The following SLC36A1 variants were observed in gnomAD, a reference collection of about 807,000 sequenced individuals.
SLC36A1 encodes solute carrier family 36 member 1.
In SLC36A1, 30 loss-of-function variants were observed where a neutral mutation model predicts 47.5. That is an observed-to-expected ratio of 0.63 (90% confidence interval 0.47 to 0.86). The LOEUF (loss-of-function observed/expected upper bound fraction) is 0.86. Among genes scored for constraint, SLC36A1 ranks in the 40% least tolerant of loss-of-function variants. SLC36A1 has a pLI of 0.00. For missense variants in SLC36A1, 517 were observed against 606.0 expected (o/e 0.85, Z 1.54); for synonymous variants, 255 against 249.7 (o/e 1.02, Z -0.20).
chr5:151,422,935 C>A, the SLC36A1 span, among the ~76,000 whole-genome samples: 1 of 152,086 alleles, frequency 6.6e-6, no homozygotes, highest in Non-Finnish European at 1.5e-5. Flanking sequence ...GAGTGAGACC[C>A]TGTGCCCCAC....
chr5:151,527,903 T>C, the SLC36A1 span: 125 of 1,490,274 alleles, frequency 8.4e-5, no homozygotes, highest in Non-Finnish European at 1.1e-4. Flanking sequence ...AGTTTCAGGA[T>C]GGGGTCTTGA....
At chr5:151,430,162 CTTT>C in the SLC36A1 span, among the ~76,000 whole-genome samples, 802 of 130,684 alleles carry the variant, frequency 6.1e-3, 12 homozygotes, top group African/African-American at 0.022. Flanking sequence ...ATTAGCTAAA[CTTT>C]TTTTTTTTTT....
intron 10 of SLC36A1, chr5:151,479,939 T>C: frequency 1.7e-6 from 1 of 596,210 alleles, no homozygotes; most frequent in Non-Finnish European, 2.9e-6. Flanking sequence ...ATGATAGTAT[T>C]CTAGACATTT....
At chr5:151,345,582 CT>C in the SLC36A1 span, among the ~76,000 whole-genome samples, 5 of 152,148 alleles carry the variant, frequency 3.3e-5, no homozygotes, top group African/African-American at 1.2e-4. Flanking sequence ...CCCTGCATGC[CT>C]TTCTCCCTGT....
intron 7 of SLC36A1, among the ~76,000 whole-genome samples, chr5:151,471,227 A>G (rs1338246771): frequency 6.6e-6 from 1 of 152,224 alleles, no homozygotes; most frequent in Non-Finnish European, 1.5e-5. Flanking sequence ...ATTTCACTTA[A>G]AGTCTCAGTT....
chr5:151,417,780 C>A, the SLC36A1 span, among the ~76,000 whole-genome samples: 2 of 152,220 alleles, frequency 1.3e-5, no homozygotes, highest in Non-Finnish European at 2.9e-5. Flanking sequence ...GGAATTCAAG[C>A]TGGCTGCAGA....
upstream of SLC36A1, among the ~76,000 whole-genome samples, chr5:151,446,086 C>A (rs746028136): frequency 4.6e-5 from 7 of 152,070 alleles, no homozygotes; most frequent in Non-Finnish European, 1.0e-4. Flanking sequence ...TCTTTCTTCT[C>A]TTTTAATGTA....
At chr5:151,391,495 T>C in the SLC36A1 span, among the ~76,000 whole-genome samples, 1 of 152,214 alleles carries the variant, frequency 6.6e-6, no homozygotes, top group African/African-American at 2.4e-5. Flanking sequence ...TCAAAGGGAA[T>C]GCTTCCAGTT....
At chr5:151,545,016 C>T in the SLC36A1 span, 7 of 1,614,222 alleles carry the variant, frequency 4.3e-6, no homozygotes, top group Non-Finnish European at 5.9e-6. Flanking sequence ...CCACTGCCAA[C>T]TCATGAGTGT....
the SLC36A1 span, among the ~76,000 whole-genome samples, chr5:151,345,710 A>G: frequency 1.3e-5 from 2 of 152,218 alleles, no homozygotes; most frequent in Admixed American, 6.5e-5. Context: ...TAAAGTACTT[A>G]GGAAATCAGA....
At chr5:151,492,689 T>C (rs984182392), downstream of SLC36A1, among the ~76,000 whole-genome samples, 5 of 152,256 alleles carry the variant, frequency 3.3e-5, no homozygotes, top group Admixed American at 3.3e-4. Context: ...GTTTTATATG[T>C]GTCAACTTAT....
the SLC36A1 span, chr5:151,511,415 C>A: frequency 6.6e-6 from 1 of 152,192 alleles, no homozygotes; most frequent in African/African-American, 2.4e-5. Context: ...AGCAATGTAT[C>A]CCTATTTAGT....
In SLC36A1 at chr5:151,449,215, T is replaced by C. The variant is rs375035594; in HGVS notation, c.-6+1402T>C. ...CCTCTTTCTTCCTATCTCTGTATTA[T>C]GTCTAAGCTAAATACTAACAGCTGA... On this transcript the variant is annotated intron_variant, in intron 1 of 10. Coordinates refer to ENST00000243389, the MANE Select transcript of SLC36A1 (RefSeq NM_078483.4). Among the ~76,000 whole-genome samples, 835 of 152,390 alleles carry C rather than the reference T, an allele frequency of 5.5e-3. 5 individuals are homozygous for C. Among genetic ancestry groups the C allele is most frequent in the South Asian group, 0.024 (117 of 4,830 alleles).
chr5:151,412,529 T>C, the SLC36A1 span: 1 of 144,138 alleles, frequency 6.9e-6, no homozygotes, highest in Non-Finnish European at 1.5e-5. Flanking sequence ...GTGGGGAATC[T>C]ACCTGGAGGA....
the SLC36A1 span, chr5:151,531,814 G>A: frequency 1.2e-6 from 2 of 1,613,564 alleles, no homozygotes; most frequent in African/African-American, 2.7e-5. The surrounding 1 kb of genome is among the most constrained non-coding windows in gnomAD (Gnocchi z 5.7). Flanking sequence ...CAGCGGTATT[G>A]GGGTGCCCAG....
the SLC36A1 span, among the ~76,000 whole-genome samples, chr5:151,367,420 G>A: frequency 6.9e-6 from 1 of 144,920 alleles, no homozygotes; most frequent in African/African-American, 2.6e-5. Context: ...AAAGAATTTA[G>A]CGATATGTTT....
the SLC36A1 span, among the ~76,000 whole-genome samples, chr5:151,421,020 G>A: frequency 4.0e-5 from 6 of 151,676 alleles, no homozygotes; most frequent in Admixed American, 6.6e-5. Context: ...ACAGGCGCCC[G>A]CCACCACACT....
chr5:151,428,202 T>C, the SLC36A1 span, among the ~76,000 whole-genome samples: 1 of 152,194 alleles, frequency 6.6e-6, no homozygotes, highest in African/African-American at 2.4e-5. Flanking sequence ...ATATTTCTGA[T>C]ATTTTTCTGC....
At chr5:151,353,001 T>C in the SLC36A1 span, among the ~76,000 whole-genome samples, 3 of 152,358 alleles carry the variant, frequency 2.0e-5, no homozygotes, top group East Asian at 3.9e-4. Flanking sequence ...AAGGGTCTTA[T>C]GACCCACAAT....
Sources: gnomAD v4.1 joint callset for allele counts (sites outside exome capture counted in the v4.1 genomes callset) on GRCh38, gnomAD v4.1.1 for gene constraint, Gnocchi (gnomAD v3.1) non-coding constraint, MANE v1.5 for transcripts, NCBI Gene and HGNC (gene_info 2026-07-23, HGNC 2026-07-21) for gene names.